The following CNTN5 variants were observed in gnomAD, a reference collection of about 807,000 sequenced individuals.
CNTN5 encodes contactin-5.
A neutral mutation model predicts 129.1 loss-of-function variants in CNTN5; 77 were observed. That is an observed-to-expected ratio of 0.60 (90% CI 0.50 to 0.72). CNTN5 has a LOEUF of 0.72. Ranked by LOEUF, CNTN5 falls within the 30% of genes least tolerant of loss-of-function variation. The pLI is 0.00. For synonymous variants in CNTN5, 509 were observed against 465.6 expected, an observed-to-expected ratio of 1.09 and a Z score of -1.20; for missense variants, 1,478 against 1,328.8, an observed-to-expected ratio of 1.11 and a Z score of -1.75.
At chr11:99,796,690 C>T (rs1226946208) in intron 3 of CNTN5, among the ~76,000 whole-genome samples, 1 of 152,046 alleles carries the variant, frequency 6.6e-6, no homozygotes, top group African/African-American at 2.4e-5. Context: ...CAGGATCAAT[C>T]TGCTCTTTTC....
At chr11:99,100,696 T>G (rs1322929017) in intron 1 of CNTN5, among the ~76,000 whole-genome samples, 1 of 152,110 alleles carries the variant, frequency 6.6e-6, no homozygotes, top group Non-Finnish European at 1.5e-5. Context: ...AGGCTATTTC[T>G]CCATAATACG....
chr11:99,200,595 T>G (rs755329809), intron 1 of CNTN5, among the ~76,000 whole-genome samples: 27 of 152,232 alleles, frequency 1.8e-4, no homozygotes, highest in Admixed American at 7.9e-4. Context: ...TATAGCTTTC[T>G]GCTGCAATGT....
At chr11:99,976,074 G>A (rs1937943161) in intron 8 of CNTN5, among the ~76,000 whole-genome samples, 1 of 152,160 alleles carries the variant, frequency 6.6e-6, no homozygotes. Context: ...CATAACCAAG[G>A]GGCTACAGGC....
chr11:99,212,993 C>A lies in CNTN5; in HGVS notation c.-209-112353C>A, dbSNP rs188859253. Among the ~76,000 whole-genome samples, 1,372 of 151,772 alleles carry A rather than the reference C, an allele frequency of 9.0e-3. 10 individuals carry two copies. Among genetic ancestry groups the A allele is most frequent in the Non-Finnish European group, 0.013 (893 of 67,926 alleles). On this transcript the variant is annotated intron_variant, in intron 1 of 24. Transcript: ENST00000524871. Reference sequence around the variant, plus strand: ...GATCACGAAGTCAGGAGATGGAGACCATCCTGGCTAACATGGTGAAACCCC... The same window carrying A: ...GATCACGAAGTCAGGAGATGGAGACAATCCTGGCTAACATGGTGAAACCCC...
At chr11:99,892,284 C>G (rs186585162) in intron 6 of CNTN5, among the ~76,000 whole-genome samples, 3 of 152,126 alleles carry the variant, frequency 2.0e-5, no homozygotes, top group African/African-American at 7.2e-5. Flanking sequence ...GTTGCCTGTT[C>G]ACTCTAATGA....
intron 3 of CNTN5, among the ~76,000 whole-genome samples, chr11:99,731,687 A>G (rs1366260127): frequency 3.9e-5 from 6 of 152,130 alleles, no homozygotes; most frequent in African/African-American, 1.4e-4. Context: ...TTTAATGACA[A>G]TTTCATTCTG....
chr11:99,437,738 G>A (rs1303191598), intron 2 of CNTN5, among the ~76,000 whole-genome samples: 3 of 152,108 alleles, frequency 2.0e-5, no homozygotes, highest in Non-Finnish European at 2.9e-5. Flanking sequence ...CAGGAGAATC[G>A]CCTGAACCTG....
At chr11:100,152,947 C>A (rs562998107) in intron 13 of CNTN5, among the ~76,000 whole-genome samples, 1 of 152,004 alleles carries the variant, frequency 6.6e-6, no homozygotes, top group African/African-American at 2.4e-5. Flanking sequence ...ATGAGATCAC[C>A]ATAATGAAGA....
At chr11:100,274,795 AAT>A (rs1404451159) in intron 18 of CNTN5, among the ~76,000 whole-genome samples, 1 of 152,264 alleles carries the variant, frequency 6.6e-6, no homozygotes, top group African/African-American at 2.4e-5. Flanking sequence ...TGGGAGTATA[AAT>A]TAGGTCAACC....
rs550742906 is a variant in CNTN5, at chr11:100,053,347, G to C, written c.981-7865G>C. The stretch of plus-strand genomic sequence containing the variant: ...AAGAAAATATGTGCAATATATATTT[G>C]ATAAAGAACTTGTATCCAGTATGAA... On this transcript the variant is annotated intron_variant, in intron 9 of 24. Transcript: ENST00000524871. 4.0e-5 allele frequency among the ~76,000 whole-genome samples: 6 copies of C among 151,568 alleles called. No individual in the cohort carries two copies. The South Asian group carries it at 1.2e-3, about 31-fold the overall frequency.
intron 7 of CNTN5, among the ~76,000 whole-genome samples, chr11:99,932,251 G>A (rs1204584638): frequency 6.6e-6 from 1 of 152,130 alleles, no homozygotes; most frequent in African/African-American, 2.4e-5. Context: ...GGAGTTCAAT[G>A]GGTCGATCTC....
intron 3 of CNTN5, among the ~76,000 whole-genome samples, chr11:99,627,050 G>A (rs762427393): frequency 3.3e-5 from 5 of 151,982 alleles, no homozygotes; most frequent in Admixed American, 3.3e-4. Flanking sequence ...AACATTCAAG[G>A]CTTGGAAGGG....
rs569188378 is a variant in CNTN5, at chr11:100,171,644, A to G, written c.1581-19482A>G. 1.2e-3 allele frequency among the ~76,000 whole-genome samples: 186 copies of G among 152,124 alleles called. 1 individual carries two copies. Among genetic ancestry groups the G allele is most frequent in the African/African-American group, 4.2e-3 (173 of 41,538 alleles). On this transcript the variant is annotated intron_variant, in intron 13 of 24. Transcript: ENST00000524871. ...CCAATTCTACAGCATATTTCAGTGT[A>G]GGAACATCTCAGTGGAAACGTTTAG...
At chr11:99,828,923 C>G (rs999982075) in intron 4 of CNTN5, among the ~76,000 whole-genome samples, 2 of 152,066 alleles carry the variant, frequency 1.3e-5, no homozygotes, top group African/African-American at 4.8e-5. Flanking sequence ...TCTGTACTTG[C>G]TATATTCTAT....
intron 2 of CNTN5, among the ~76,000 whole-genome samples, chr11:99,361,556 C>G (rs901172274): frequency 1.3e-5 from 2 of 152,100 alleles, no homozygotes; most frequent in African/African-American, 4.8e-5. Flanking sequence ...TTAGTTTGCT[C>G]ATAATGTTGT....
At chr11:99,371,442 G>C (rs539364713) in intron 2 of CNTN5, among the ~76,000 whole-genome samples, 1 of 152,018 alleles carries the variant, frequency 6.6e-6, no homozygotes, top group African/African-American at 2.4e-5. Context: ...TTTGAGTAAT[G>C]ACTCATAGTA....
At chr11:99,143,113 A>T (rs1240835707) in intron 1 of CNTN5, among the ~76,000 whole-genome samples, 1 of 151,954 alleles carries the variant, frequency 6.6e-6, no homozygotes. Context: ...CTACTTGGCC[A>T]TATTGGCTAT....
At chr11:100,075,500 G>T (rs1009996346) in intron 13 of CNTN5, among the ~76,000 whole-genome samples, 10 of 152,162 alleles carry the variant, frequency 6.6e-5, no homozygotes, top group Admixed American at 2.6e-4. Flanking sequence ...AAGACCCAAA[G>T]ACTTAGAGAA....
chr11:100,250,623 C>G (rs1949945069), intron 16 of CNTN5, among the ~76,000 whole-genome samples: 1 of 152,010 alleles, frequency 6.6e-6, no homozygotes, highest in African/African-American at 2.4e-5. Context: ...CAATCAGTAC[C>G]TTGGTTATAT....
Sources: gnomAD v4.1 joint callset for allele counts (sites outside exome capture counted in the v4.1 genomes callset) on GRCh38, gnomAD v4.1.1 for gene constraint, MANE v1.5 for transcripts, NCBI Gene and HGNC (gene_info 2026-07-23, HGNC 2026-07-21) for gene names.